The following NAALADL2 variants were observed in gnomAD, a reference collection of about 807,000 sequenced individuals.
The protein encoded by NAALADL2 is inactive N-acetylated-alpha-linked acidic dipeptidase-like protein 2.
In NAALADL2, 76 loss-of-function variants were observed where a neutral mutation model predicts 87.2. The ratio of observed to expected loss-of-function variants is 0.87; its 90% confidence interval spans 0.72 to 1.05. The LOEUF (loss-of-function observed/expected upper bound fraction) is 1.05. Among genes scored for constraint, NAALADL2 ranks in the 50% least tolerant of loss-of-function variants. The pLI is 0.00. For missense variants in NAALADL2, 1,089 were observed against 945.8 expected (o/e 1.15, Z -1.99); for synonymous variants, 354 against 331.0 (o/e 1.07, Z -0.75).
intron 3 of NAALADL2, among the ~76,000 whole-genome samples, chr3:175,254,810 A>T (rs1232397277): frequency 2.0e-5 from 3 of 152,254 alleles, no homozygotes; most frequent in Admixed American, 6.5e-5. Flanking sequence ...AATGTATTAA[A>T]GGCACTGATT....
In NAALADL2 at chr3:174,971,849, C is replaced by T. The variant is rs143811808; in HGVS notation, c.43+112399C>T. ...GGTAGCTGCAATTACAGGCACATGC[C>T]ACGACGCCCAGCTAATTTTTGTATT... On this transcript the variant is annotated intron_variant, in intron 1 of 13. Coordinates refer to ENST00000454872, the MANE Select transcript of NAALADL2 (RefSeq NM_207015.3). Among the ~76,000 whole-genome samples the T allele has an allele frequency of 1.2e-4, 19 of 152,234 alleles. No homozygotes were observed. In the East Asian group the frequency reaches 3.3e-3, roughly 26 times the overall value.
intron 1 of NAALADL2, among the ~76,000 whole-genome samples, chr3:174,509,404 C>CTTTTTTTT (rs34028719): frequency 9.4e-6 from 1 of 106,944 alleles, no homozygotes. Flanking sequence ...TCCTTTCTTT[C>CTTTTTTTT]TTTTTTTTTT....
intron 2 of NAALADL2, among the ~76,000 whole-genome samples, chr3:174,731,864 C>T (rs1469874629): frequency 3.9e-5 from 6 of 152,096 alleles, no homozygotes; most frequent in African/African-American, 9.7e-5. Context: ...ACTGGAAAAC[C>T]GCTGATCTCA....
chr3:174,783,210 G>A (rs1207927552), intron 3 of NAALADL2, among the ~76,000 whole-genome samples: 1 of 152,136 alleles, frequency 6.6e-6, no homozygotes, highest in South Asian at 2.1e-4. Context: ...AGTATAGAAT[G>A]GAAAATATAG....
At chr3:174,763,586 C>CCAAAAAAAAAAAAAAAAAAA (rs1437091997) in intron 3 of NAALADL2, among the ~76,000 whole-genome samples, 1 of 48,376 alleles carries the variant, frequency 2.1e-5, no homozygotes, top group African/African-American at 9.9e-5. Flanking sequence ...GACTCCATCT[C>CCAAAAAAAAAAAAAAAAAAA]AAAAAAAAAA....
intron 11 of NAALADL2, among the ~76,000 whole-genome samples, chr3:175,666,567 T>A (rs1313976581): frequency 6.6e-6 from 1 of 152,178 alleles, no homozygotes; most frequent in Non-Finnish European, 1.5e-5. Context: ...AGCTTCTGGC[T>A]GGAAATTTAA....
intron 4 of NAALADL2, among the ~76,000 whole-genome samples, chr3:175,293,685 C>T (rs924948171): frequency 3.3e-5 from 5 of 152,154 alleles, no homozygotes; most frequent in African/African-American, 7.2e-5. Context: ...TTCACTCTTT[C>T]TGCTATGTGA....
At chr3:174,861,729 G>C (rs1164593031) in intron 1 of NAALADL2, among the ~76,000 whole-genome samples, 2 of 151,952 alleles carry the variant, frequency 1.3e-5, no homozygotes, top group African/African-American at 4.8e-5. Context: ...ATGATCTCTA[G>C]TTACAATTTG....
chr3:174,694,968 G>T (rs1728892190), intron 2 of NAALADL2, among the ~76,000 whole-genome samples: 2 of 151,950 alleles, frequency 1.3e-5, no homozygotes, highest in Admixed American at 1.3e-4. Context: ...ACCACTTCTA[G>T]ATTAGAAGCA....
intron 5 of NAALADL2, among the ~76,000 whole-genome samples, chr3:175,344,420 T>C (rs1762920475): frequency 6.6e-6 from 1 of 151,422 alleles, no homozygotes. Context: ...CAGTGGGATG[T>C]CTGCTGATCA....
At chr3:174,981,403 A>T (rs1337231806) in intron 1 of NAALADL2, among the ~76,000 whole-genome samples, 2 of 152,172 alleles carry the variant, frequency 1.3e-5, no homozygotes, top group African/African-American at 2.4e-5. Flanking sequence ...ATATGTGGCC[A>T]TGTAATTCAT....
chr3:175,324,321 T>A lies in NAALADL2; in HGVS notation c.1086T>A (p.Ser362Arg). The change falls in exon 5 of 14, where the codon AGT becomes AGA. Residue 362 changes from serine to arginine, a missense_variant. Transcript: ENST00000454872. The stretch of plus-strand genomic sequence containing the variant: ...ACCCTTCTACGCCTGGTTACCCAAG[T>A]GTCGGTAAGTTTGTTGGTCATCATT... Reference protein sequence around the residue: ...GGDPSTPGYPSVDESFRQSRS... With the variant: ...GGDPSTPGYPRVDESFRQSRS... 1.2e-6 allele frequency: 2 copies of A among 1,609,328 alleles called. No individual in the cohort carries two copies. The highest frequency in any genetic ancestry group is 1.7e-6 in the Non-Finnish European group (2 of 1,178,322).
At chr3:175,542,151 T>C (rs55633558) in intron 9 of NAALADL2, among the ~76,000 whole-genome samples, 1 of 152,176 alleles carries the variant, frequency 6.6e-6, no homozygotes, top group Non-Finnish European at 1.5e-5. Flanking sequence ...TGGCTTTGAA[T>C]GAAAATCCAT....
At chr3:175,280,318 G>C (rs1172483021) in intron 4 of NAALADL2, among the ~76,000 whole-genome samples, 1 of 151,974 alleles carries the variant, frequency 6.6e-6, no homozygotes, top group Non-Finnish European at 1.5e-5. Flanking sequence ...ATTTTGAAAA[G>C]ACCAAGGAGA....
chr3:174,843,319 T>A (rs7629896), intron 3 of NAALADL2, among the ~76,000 whole-genome samples: 30,524 of 152,022 alleles, frequency 0.2, 3,286 homozygotes, highest in East Asian at 0.44. Context: ...AACTTTTTTT[T>A]TTTTAGATTC....
rs754006885 is a variant in NAALADL2 at position 175,755,253 on chromosome 3, T to G, written c.2024T>G (p.Met675Arg). ...DQPNTHQLLA[M>R]ALRLRESAEL... ...CCCAACACTCATCAACTGTTAGCCA[T>G]GGCGTTACGCCTGCGGGAGAGTGCT... The change falls in exon 13 of 14, where the codon ATG becomes AGG. Residue 675 changes from methionine (M) to arginine (R), a missense_variant. Transcript: ENST00000454872. 2 of 1,613,418 alleles carry G rather than the reference T, an allele frequency of 1.2e-6. No homozygotes were observed. Among genetic ancestry groups the G allele is most frequent in the South Asian group, 2.2e-5 (2 of 90,954 alleles).
At chr3:174,979,083 C>A (rs368051496) in intron 1 of NAALADL2, among the ~76,000 whole-genome samples, 1 of 152,032 alleles carries the variant, frequency 6.6e-6, no homozygotes, top group Non-Finnish European at 1.5e-5. Flanking sequence ...AAAAGGAAAG[C>A]TTTAAGACAG....
chr3:175,482,755 C>T (rs917196042), intron 9 of NAALADL2, among the ~76,000 whole-genome samples: 1 of 151,710 alleles, frequency 6.6e-6, no homozygotes, highest in Non-Finnish European at 1.5e-5. Flanking sequence ...AATACTCTAT[C>T]TGGATAATAT....
chr3:175,734,421 G>A (rs2150074035), intron 11 of NAALADL2, among the ~76,000 whole-genome samples: 1 of 151,998 alleles, frequency 6.6e-6, no homozygotes, highest in Admixed American at 6.5e-5. Flanking sequence ...GCTGGGCGTG[G>A]TGGTGGGCGC....
Sources: gnomAD v4.1 joint callset for allele counts (sites outside exome capture counted in the v4.1 genomes callset) on GRCh38, gnomAD v4.1.1 for gene constraint, MANE v1.5 for transcripts, NCBI Gene and HGNC (gene_info 2026-07-23, HGNC 2026-07-21) for gene names.